Variants in KLHL24 observed in about 807,000 individuals in gnomAD.
KLHL24 encodes kelch like family member 24.
KLHL24 carries 29 observed loss-of-function variants against 53.4 expected under a neutral mutation model. The observed-to-expected ratio is 0.54, with a 90% CI of 0.40 to 0.74. The LOEUF (loss-of-function observed/expected upper bound fraction) is 0.74. Among genes scored for constraint, KLHL24 ranks in the 30% least tolerant of loss-of-function variants. The probability of loss-of-function intolerance (pLI) is 0.00; values close to 1 mark genes in which losing one functional copy is unlikely to be tolerated. For synonymous variants in KLHL24, 222 were observed against 253.7 expected (o/e 0.88, Z 1.19); for missense variants, 504 against 744.0 (o/e 0.68, Z 3.75).
At chr3:183,647,830 C>T (rs988204472) in intron 2 of KLHL24, among the ~76,000 whole-genome samples, 1 of 142,904 alleles carries the variant, frequency 7.0e-6, no homozygotes, top group South Asian at 2.1e-4. Context: ...ATGGCAAAAC[C>T]TGTCTCTACT....
chr3:183,662,162 T>G (rs3772710), intron 3 of KLHL24, among the ~76,000 whole-genome samples: 50,860 of 151,982 alleles, frequency 0.33, 9,354 homozygotes, highest in African/African-American at 0.49. Context: ...AGTACTTTTG[T>G]TTGCATGTAT....
intron 3 of KLHL24, among the ~76,000 whole-genome samples, chr3:183,662,843 C>CCT (rs1719997998): frequency 6.6e-6 from 1 of 152,128 alleles, no homozygotes; most frequent in Non-Finnish European, 1.5e-5. Flanking sequence ...GCCTAATGTA[C>CCT]AGTTTTTCAT....
chr3:183,668,174 A>G (rs189178654), intron 5 of KLHL24, among the ~76,000 whole-genome samples: 3 of 152,070 alleles, frequency 2.0e-5, no homozygotes, highest in South Asian at 2.1e-4. Context: ...AGTACTTACT[A>G]TATTATATAT....
chr3:183,675,798 A>G, intron 7 of KLHL24, among the ~76,000 whole-genome samples: 1 of 152,214 alleles, frequency 6.6e-6, no homozygotes, highest in Non-Finnish European at 1.5e-5. Context: ...GAAAGAAAAA[A>G]GAAAAAGAAT....
intron 3 of KLHL24, among the ~76,000 whole-genome samples, chr3:183,659,234 A>C (rs1719351462): frequency 6.6e-6 from 1 of 152,172 alleles, no homozygotes; most frequent in South Asian, 2.1e-4. Context: ...AGGGAAATTT[A>C]TTAACAGGAT....
chr3:183,662,683 G>GT (rs1318214357), intron 3 of KLHL24, among the ~76,000 whole-genome samples: 1 of 152,090 alleles, frequency 6.6e-6, no homozygotes, highest in East Asian at 1.9e-4. Context: ...GTTAAATGCT[G>GT]TTTTTTGCAT....
At chr3:183,649,979 A>G (rs530726973) in intron 2 of KLHL24, among the ~76,000 whole-genome samples, 16 of 151,636 alleles carry the variant, frequency 1.1e-4, no homozygotes, top group Non-Finnish European at 1.9e-4. Flanking sequence ...TTCTGACTTA[A>G]CTCTACAGTC....
chr3:183,665,250 A>G (rs1462206442), intron 5 of KLHL24, among the ~76,000 whole-genome samples: 1 of 152,216 alleles, frequency 6.6e-6, no homozygotes, highest in Admixed American at 6.5e-5. Flanking sequence ...AATTCATGGC[A>G]GTGTAGCACA....
Position 183,663,685 on chromosome 3 carries a change from C to T in KLHL24, c.1105+43C>T. ...ACAGTAGCTACTTTTAATTTGGACA[C>T]AGCTTCATTATTTTAAACATCAACA... On this transcript the variant is annotated intron_variant, in intron 4 of 7. Coordinates refer to ENST00000242810, the MANE Select transcript of KLHL24 (RefSeq NM_017644.3). This position sits in a 1 kb window ranked among gnomAD's most constrained non-coding sequence, Gnocchi z 4.9. 1 of 1,139,880 alleles carries T rather than the reference C, an allele frequency of 8.8e-7. No homozygotes were observed. The highest frequency in any genetic ancestry group is 2.7e-5 in the East Asian group (1 of 37,414). The allele number at this position is 1,139,880 out of a possible 1,614,324, so 70.6% of individuals were successfully genotyped here.
intron 2 of KLHL24, among the ~76,000 whole-genome samples, chr3:183,645,802 T>C (rs961397248): frequency 1.3e-5 from 2 of 152,334 alleles, no homozygotes; most frequent in African/African-American, 4.8e-5. Flanking sequence ...GAGGAAAATA[T>C]TTCCTCAAAT....
rs201522452 is a variant in KLHL24, at chr3:183,684,141, T to TA, written c.*4856dup. 1 of 118,370 alleles carries TA rather than the reference T, an allele frequency of 8.4e-6. No individual in the cohort carries two copies. The highest frequency in any genetic ancestry group is 5.4e-5 in the African/African-American group (1 of 18,638). 7.3% of individuals were successfully genotyped at this position (118,370 alleles called of 1,614,324 possible). A position where few individuals can be genotyped will look rare whatever the true frequency, so the allele number is the denominator to read the frequency against. On this transcript the variant is annotated 3_prime_UTR_variant, in exon 8 of 8. Transcript: ENST00000242810. ...TTTTCCCTCTTCAGGCTTTTTCATT[T>TA]ACCTTTTTGAAAAAGCACTTACTCT...
intron 1 of KLHL24, among the ~76,000 whole-genome samples, chr3:183,641,335 AT>A (rs1716396063): frequency 6.6e-6 from 1 of 152,090 alleles, no homozygotes; most frequent in East Asian, 1.9e-4. Context: ...TCTACTAAAA[AT>A]ACATGGTGGC....
intron 2 of KLHL24, among the ~76,000 whole-genome samples, chr3:183,646,736 T>G (rs1717303093): frequency 6.6e-6 from 1 of 152,214 alleles, no homozygotes; most frequent in Non-Finnish European, 1.5e-5. Flanking sequence ...AACTAGGCTG[T>G]CTGTACCAAT....
At chr3:183,670,961 T>C (rs1721256490) in intron 5 of KLHL24, 73 bp from the exon 6 acceptor site, 1 of 1,038,038 alleles carries the variant, frequency 9.6e-7, no homozygotes, top group South Asian at 1.5e-5. Flanking sequence ...AAGAGATCCC[T>C]TAATTCTTTA....
At chr3:183,661,874 TTTGA>T (rs1306903414) in intron 3 of KLHL24, among the ~76,000 whole-genome samples, 1 of 152,140 alleles carries the variant, frequency 6.6e-6, no homozygotes, top group Non-Finnish European at 1.5e-5. Context: ...CAGTGTTTGT[TTTGA>T]TTGATTAATA....
chr3:183,676,154 A>G (rs1404110690), intron 7 of KLHL24, among the ~76,000 whole-genome samples: 1 of 152,192 alleles, frequency 6.6e-6, no homozygotes. Context: ...ATCTATGCAC[A>G]CATTGATCTC....
At chr3:183,667,413 T>C (rs1327556918) in intron 5 of KLHL24, among the ~76,000 whole-genome samples, 1 of 152,152 alleles carries the variant, frequency 6.6e-6, no homozygotes, top group Non-Finnish European at 1.5e-5. Flanking sequence ...CAGCAGTAGG[T>C]GAGCAGCCAC....
At chr3:183,662,576 A>C (rs922108191) in intron 3 of KLHL24, among the ~76,000 whole-genome samples, 8 of 152,196 alleles carry the variant, frequency 5.3e-5, no homozygotes, top group Non-Finnish European at 1.0e-4. Context: ...TGAACAAAAA[A>C]TTGTGGATAA....
chr3:183,649,070 T>C (rs1371724504), intron 2 of KLHL24, among the ~76,000 whole-genome samples: 1 of 152,158 alleles, frequency 6.6e-6, no homozygotes, highest in African/African-American at 2.4e-5. Flanking sequence ...CATCAGTTAC[T>C]TACTGAAAGT....
Sources: gnomAD v4.1 joint callset for allele counts (sites outside exome capture counted in the v4.1 genomes callset) on GRCh38, gnomAD v4.1.1 for gene constraint, Gnocchi (gnomAD v3.1) non-coding constraint, MANE v1.5 for transcripts, NCBI Gene and HGNC (gene_info 2026-07-23, HGNC 2026-07-21) for gene names.